The following ARL15 variants were observed in gnomAD, a reference collection of about 807,000 sequenced individuals.
ARL15 encodes the protein ADP-ribosylation factor-like protein 15.
Under a neutral mutation model 25.2 loss-of-function variants are expected in ARL15, and 19 were observed. The ratio of observed to expected loss-of-function variants is 0.75; its 90% confidence interval spans 0.53 to 1.10. The LOEUF (loss-of-function observed/expected upper bound fraction) is 1.10, where lower values mean the gene tolerates loss of function less well. ARL15 is among the 50% of genes least tolerant of loss of function. The probability of loss-of-function intolerance (pLI) is 0.00; values close to 1 mark genes in which losing one functional copy is unlikely to be tolerated. For missense variants in ARL15, 220 were observed against 246.0 expected (o/e 0.89, Z 0.71); for synonymous variants, 94 against 86.8 (o/e 1.08, Z -0.46).
chr5:54,062,736 T>C (rs1408030651), intron 4 of ARL15, among the ~76,000 whole-genome samples: 1 of 152,048 alleles, frequency 6.6e-6, no homozygotes, highest in Non-Finnish European at 1.5e-5. Flanking sequence ...CTAATACATA[T>C]ACCATAAGAA....
intron 4 of ARL15, among the ~76,000 whole-genome samples, chr5:53,956,922 A>C (rs1747178765): frequency 6.6e-6 from 1 of 152,096 alleles, no homozygotes; most frequent in Non-Finnish European, 1.5e-5. Context: ...AGAAAGAAAA[A>C]AGGATGAAGA....
At chr5:54,251,793 G>A (rs1206687717) in intron 1 of ARL15, among the ~76,000 whole-genome samples, 1 of 152,140 alleles carries the variant, frequency 6.6e-6, no homozygotes, top group Non-Finnish European at 1.5e-5. Flanking sequence ...TTAGAGCAGT[G>A]GTTCTCAGCC....
At chr5:54,242,431 G>A (rs1756982075) in intron 1 of ARL15, among the ~76,000 whole-genome samples, 1 of 152,188 alleles carries the variant, frequency 6.6e-6, no homozygotes, top group East Asian at 1.9e-4. Flanking sequence ...AAACTCCGAA[G>A]ATAAGCATGG....
intron 3 of ARL15, among the ~76,000 whole-genome samples, chr5:54,152,532 G>A (rs1754096705): frequency 6.6e-6 from 1 of 152,296 alleles, no homozygotes; most frequent in South Asian, 2.1e-4. Context: ...TCTTCCTTCA[G>A]ACACTGTGTC....
intron 1 of ARL15, among the ~76,000 whole-genome samples, chr5:54,287,686 A>T (rs1169884402): frequency 6.6e-6 from 1 of 152,114 alleles, no homozygotes; most frequent in Non-Finnish European, 1.5e-5. Context: ...AAACATCCTC[A>T]TTTTAAGACT....
chr5:54,275,836 C>A (rs896945990), intron 1 of ARL15, among the ~76,000 whole-genome samples: 2 of 150,224 alleles, frequency 1.3e-5, no homozygotes, highest in African/African-American at 2.4e-5. Flanking sequence ...AGGCACCCGC[C>A]ACCACGCCTG....
intron 1 of ARL15, among the ~76,000 whole-genome samples, chr5:54,246,861 T>A (rs946388473): frequency 6.7e-6 from 1 of 148,178 alleles, no homozygotes; most frequent in African/African-American, 2.5e-5. Flanking sequence ...ACATAAAACA[T>A]ATACACAGTA....
intron 1 of ARL15, among the ~76,000 whole-genome samples, chr5:54,185,116 GAC>G (rs1462370117): frequency 3.9e-5 from 6 of 152,062 alleles, no homozygotes; most frequent in African/African-American, 1.4e-4. Context: ...AACATGGTTT[GAC>G]ACACAAAACT....
At chr5:54,136,579 A>G (rs192107756) in intron 3 of ARL15, among the ~76,000 whole-genome samples, 2 of 152,354 alleles carry the variant, frequency 1.3e-5, no homozygotes, top group East Asian at 3.9e-4. Context: ...AGGGAAAAAA[A>G]AACATACATT....
Position 54,008,111 on chromosome 5 carries a change from A to G in ARL15, c.462+105091T>C, listed in dbSNP as rs977443494. ...TAAATAACTTCTATAACTCAGAAAC[A>G]GACTTTTTGTTTTTAATGTAGAGAA... On this transcript the variant is annotated intron_variant, in intron 4 of 4. Transcript: ENST00000504924. Among the ~76,000 whole-genome samples, 7 of 152,222 alleles carry G rather than the reference A, an allele frequency of 4.6e-5. No homozygotes were observed. The East Asian group carries it at 1.3e-3, about 29-fold the overall frequency.
Position 54,071,104 on chromosome 5 carries a change from G to C in ARL15, c.462+42098C>G, listed in dbSNP as rs533864915. ...AGGATCTCTTGAGGCAGGGAGGTCA[G>C]GGCTGCAGTGAGCCATGTTCGTGCC... On this transcript the variant is annotated intron_variant, in intron 4 of 4. Transcript: ENST00000504924. Among the ~76,000 whole-genome samples the C allele has an allele frequency of 2.6e-5, 4 of 151,580 alleles. No individual in the cohort carries two copies. In the South Asian group the frequency reaches 8.3e-4, roughly 32 times the overall value.
At chr5:54,029,354 C>CACCACCACCACCACCACCACT (rs1749898140) in intron 4 of ARL15, among the ~76,000 whole-genome samples, 1 of 135,274 alleles carries the variant, frequency 7.4e-6, no homozygotes, top group African/African-American at 2.8e-5. Context: ...CCACCACCAC[C>CACCACCACCACCACCACCACT]ACCACCACCA....
At chr5:54,183,801 G>T (rs1295571148) in intron 1 of ARL15, among the ~76,000 whole-genome samples, 1 of 151,422 alleles carries the variant, frequency 6.6e-6, no homozygotes, top group African/African-American at 2.4e-5. Flanking sequence ...ACATGCACAC[G>T]TATGTTTATT....
intron 4 of ARL15, among the ~76,000 whole-genome samples, chr5:53,977,763 T>C (rs1464473665): frequency 4.6e-5 from 7 of 152,112 alleles, no homozygotes; most frequent in Non-Finnish European, 1.0e-4. Flanking sequence ...CTGAGAACAA[T>C]GAATTCAAGT....
rs1752796217 is a variant in ARL15 at position 54,113,290 on chromosome 5, G to A, written c.374C>T (p.Ser125Leu). The A allele has an allele frequency of 6.2e-7, 1 of 1,613,966 alleles. No individual in the cohort carries two copies. Among genetic ancestry groups the A allele is most frequent in the East Asian group, 2.2e-5 (1 of 44,876 alleles). Residue 125 changes from serine (S) to leucine (L), a missense_variant, in exon 4 of 5, where the codon TCA becomes TTA. Transcript: ENST00000504924. Reference sequence around the variant, plus strand: ...GCATAACTGTGGATGCTGAAGAGCTGAGTGCAGCTCATTTCTAGCAGCTTC... The same window carrying A: ...GCATAACTGTGGATGCTGAAGAGCTAAGTGCAGCTCATTTCTAGCAGCTTC... ...DLEAARNELH[S>L]ALQHPQLCTL...
intron 1 of ARL15, among the ~76,000 whole-genome samples, chr5:54,185,001 C>T (rs1444779332): frequency 1.3e-5 from 2 of 152,188 alleles, no homozygotes; most frequent in Non-Finnish European, 2.9e-5. Flanking sequence ...AGTACAGACT[C>T]CTTATCTGGG....
At chr5:54,050,400 C>T (rs1750668519) in intron 4 of ARL15, among the ~76,000 whole-genome samples, 1 of 152,208 alleles carries the variant, frequency 6.6e-6, no homozygotes, top group Non-Finnish European at 1.5e-5. Flanking sequence ...AGCAAGAATA[C>T]TGTGCTGTCT....
At chr5:54,168,945 G>T (rs1455445186) in intron 2 of ARL15, among the ~76,000 whole-genome samples, 1 of 151,954 alleles carries the variant, frequency 6.6e-6, no homozygotes, top group Non-Finnish European at 1.5e-5. Flanking sequence ...TCCTAACCTG[G>T]GTGTAAACTT....
intron 4 of ARL15, among the ~76,000 whole-genome samples, chr5:54,079,329 G>T (rs1274643211): frequency 6.6e-6 from 1 of 152,080 alleles, no homozygotes; most frequent in Non-Finnish European, 1.5e-5. Context: ...ACAGAGTAAA[G>T]AATTGAAAGA....
Sources: allele counts gnomAD v4.1 joint callset (sites outside exome capture counted in the v4.1 genomes callset), GRCh38; gene constraint gnomAD v4.1.1; transcripts MANE v1.5; gene names NCBI Gene and HGNC (gene_info 2026-07-23, HGNC 2026-07-21).